The following GRIK5 variants were observed in gnomAD, a reference collection of about 807,000 sequenced individuals.
The protein encoded by GRIK5 is glutamate receptor ionotropic, kainate 5.
Under a neutral mutation model 97.4 loss-of-function variants are expected in GRIK5, and 43 were observed. That is an observed-to-expected ratio of 0.44 (90% CI 0.35 to 0.57). The LOEUF (loss-of-function observed/expected upper bound fraction) is 0.57. GRIK5 is among the 20% of genes least tolerant of loss of function. GRIK5 has a pLI of 0.01. For synonymous variants in GRIK5, 580 were observed against 583.5 expected (o/e 0.99, Z 0.09); for missense variants, 1,015 against 1,382.0 (o/e 0.73, Z 4.21).
In GRIK5 at chr19:42,068,896, G is replaced by A. The variant is rs2076381374; in HGVS notation, c.-51+345C>T. 5.8e-6 allele frequency: 4 copies of A among 686,562 alleles called. No individual in the cohort carries two copies. In the South Asian group the frequency reaches 6.1e-5, roughly 10 times the overall value. 42.5% of individuals were successfully genotyped at this position (686,562 alleles called of 1,614,324 possible). On this transcript the variant is annotated intron_variant, in intron 1 of 19. Transcript: ENST00000593562. The stretch of plus-strand genomic sequence containing the variant: ...AGGATGAGGCTCAGAGGAACAGAAA[G>A]AGCCAGTCTGGGACCAGGACGGAGG...
At chr19:42,066,180 C>G (rs1364379269) in intron 1 of GRIK5, among the ~76,000 whole-genome samples, 1 of 152,018 alleles carries the variant, frequency 6.6e-6, no homozygotes, top group African/African-American at 2.4e-5. Flanking sequence ...GGAAGTGCCA[C>G]CCCCCACCCA....
Position 42,021,587 on chromosome 19 carries a change from G to A in GRIK5, c.1698-113C>T, listed in dbSNP as rs987911639. On this transcript the variant is annotated intron_variant, in intron 14 of 19. Coordinates refer to ENST00000593562, the MANE Select transcript of GRIK5 (RefSeq NM_002088.5). The surrounding 1 kb of genome is among the most constrained non-coding windows in gnomAD (Gnocchi z 4.2). ...GAAGAAAGGGGGAGAGATGGAAAAA[G>A]GAGCAAGATGGACAGAAGCACACAG... The A allele has an allele frequency of 1.4e-5, 11 of 799,182 alleles. No individual in the cohort carries two copies. The African/African-American group carries it at 1.9e-4, about 14-fold the overall frequency. The allele number at this position is 799,182 out of a possible 1,614,324, so 49.5% of individuals were successfully genotyped here.
rs777272622 is a variant in GRIK5, at chr19:42,042,579, C to T, written c.1446G>A (p.Thr482=). The T allele has an allele frequency of 1.5e-5, 24 of 1,611,588 alleles. No homozygotes were observed. The African/African-American group carries it at 1.9e-4, about 13-fold the overall frequency. ...YGAPEPNGSW[T]GMVGELINRK... ...GGTTGATGAGCTCGCCAACCATGCC[C>T]GTCCAGGAGCCGTTGGGCTCGGGCG... Residue 482 remains threonine (T), a synonymous_variant, in exon 12 of 20, where the codon ACG becomes ACA. Transcript: ENST00000593562. The surrounding 1 kb of genome is among the most constrained non-coding windows in gnomAD (Gnocchi z 6.9).
chr19:42,066,545 GAC>G (rs1367986402), intron 1 of GRIK5, among the ~76,000 whole-genome samples: 1 of 151,490 alleles, frequency 6.6e-6, no homozygotes, highest in Non-Finnish European at 1.5e-5. Context: ...AGAAGGGAAA[GAC>G]AGAGAGACTC....
chr19:42,068,570 C>G, intron 1 of GRIK5: 1 of 405,204 alleles, frequency 2.5e-6, no homozygotes, highest in Non-Finnish European at 4.3e-6. Context: ...CCTCCAAGCT[C>G]AGAGGCAGAG....
intron 15 of GRIK5, among the ~76,000 whole-genome samples, chr19:42,007,836 C>T (rs535462188): frequency 1.3e-5 from 2 of 151,740 alleles, no homozygotes; most frequent in African/African-American, 4.8e-5. Context: ...CAGTAGAGAC[C>T]CAAAAGTGTA....
chr19:42,005,464 T>C (rs1240681745), intron 17 of GRIK5, among the ~76,000 whole-genome samples: 2 of 152,264 alleles, frequency 1.3e-5, no homozygotes, highest in African/African-American at 4.8e-5. Context: ...ACCACCCACA[T>C]ATACTGAATT....
chr19:42,041,838 C>A (rs1170670618), intron 12 of GRIK5, among the ~76,000 whole-genome samples: 1 of 152,228 alleles, frequency 6.6e-6, no homozygotes, highest in Non-Finnish European at 1.5e-5. Context: ...TGGGTATCGT[C>A]TCTTCTGGGA....
intron 12 of GRIK5, among the ~76,000 whole-genome samples, chr19:42,032,799 C>G (rs1032962565): frequency 1.3e-5 from 2 of 152,174 alleles, no homozygotes; most frequent in Non-Finnish European, 2.9e-5. Context: ...CTCTCTTCCT[C>G]TTATGCACAT....
intron 11 of GRIK5, among the ~76,000 whole-genome samples, chr19:42,048,481 G>A (rs1339739055): frequency 2.0e-5 from 3 of 152,124 alleles, no homozygotes; most frequent in Admixed American, 6.6e-5. Flanking sequence ...TTAGCCGGGC[G>A]TGGTGGCAGG....
Position 42,053,871 on chromosome 19 carries a change from T to C in GRIK5, c.1115A>G (p.Asn372Ser), listed in dbSNP as rs1202806974. The C allele has an allele frequency of 4.3e-6, 7 of 1,613,836 alleles. No individual in the cohort carries two copies. The East Asian group carries it at 6.7e-5, about 15-fold the overall frequency. The change falls in exon 10 of 20, where the codon AAC becomes AGC. Residue 372 changes from asparagine (N) to serine (S), a missense_variant. Asn to Ser is a conservative substitution (Grantham distance 46). Around this residue, in one of 5 missense-constraint regions of GRIK5, gnomAD observed 477 missense variants for 701.1 expected, o/e 0.68. Coordinates refer to ENST00000593562, the MANE Select transcript of GRIK5 (RefSeq NM_002088.5). The stretch of plus-strand genomic sequence containing the variant: ...CTTTTCTAGGATGCGCAGGGTGTAG[T>C]TGGTTCTCTGCCCTTTGCTGTTGAA... Reference protein sequence around the residue: ...VEFNSKGQRTNYTLRILEKSR... With the variant: ...VEFNSKGQRTSYTLRILEKSR...
chr19:42,068,740 A>G (rs2076377761), intron 1 of GRIK5: 2 of 506,100 alleles, frequency 4.0e-6, no homozygotes, highest in Admixed American at 7.2e-5. Flanking sequence ...GCTAACAGCA[A>G]AGAGAGAAGT....
chr19:42,012,706 C>G (rs1222522916), intron 15 of GRIK5, among the ~76,000 whole-genome samples: 1 of 151,742 alleles, frequency 6.6e-6, no homozygotes, highest in Non-Finnish European at 1.5e-5. Flanking sequence ...GAAACCCTAT[C>G]TCTACAAAAA....
chr19:42,053,119 A>C (rs527477890), intron 11 of GRIK5, among the ~76,000 whole-genome samples: 1 of 152,282 alleles, frequency 6.6e-6, no homozygotes, highest in South Asian at 2.1e-4. Context: ...TTGGGTACTG[A>C]GAGGTCTGGA....
At chr19:42,009,013 G>A (rs1398290528) in intron 15 of GRIK5, among the ~76,000 whole-genome samples, 2 of 152,018 alleles carry the variant, frequency 1.3e-5, no homozygotes, top group Admixed American at 6.6e-5. Flanking sequence ...GATCACTTGA[G>A]GCTGGGACTT....
rs1173676507 is a variant in GRIK5 at position 41,999,329 on chromosome 19, G to A, written c.2515-30C>T. 6 of 1,478,732 alleles carry A rather than the reference G, an allele frequency of 4.1e-6. No individual in the cohort carries two copies. Among genetic ancestry groups the A allele is most frequent in the Admixed American group, 4.5e-5 (2 of 44,044 alleles). The allele number at this position is 1,478,732 out of a possible 1,614,324, so 91.6% of individuals were successfully genotyped here. A position where few individuals can be genotyped will look rare whatever the true frequency, so the allele number is the denominator to read the frequency against. On this transcript the variant is annotated intron_variant, in intron 19 of 19. Coordinates refer to ENST00000593562, the MANE Select transcript of GRIK5 (RefSeq NM_002088.5). The surrounding 1 kb of genome is among the most constrained non-coding windows in gnomAD (Gnocchi z 5.0). ...GGGTGGCGCGGGCGGTCACCGTCCC[G>A]GCGCAGTCCGCCTCCCGCCTCCCCC... is the stretch of plus-strand genomic sequence containing the variant.
intron 3 of GRIK5, among the ~76,000 whole-genome samples, chr19:42,063,923 C>T (rs1453969962): frequency 6.6e-6 from 1 of 152,168 alleles, no homozygotes; most frequent in African/African-American, 2.4e-5. Context: ...CATCATAACT[C>T]AACACCTCAT....
rs1461878894 is a variant in GRIK5 at position 42,059,489 on chromosome 19, T to C, written c.547A>G (p.Ile183Val). 4 of 1,612,920 alleles carry C rather than the reference T, an allele frequency of 2.5e-6. No individual in the cohort carries two copies. Among genetic ancestry groups the C allele is most frequent in the Non-Finnish European group, 3.4e-6 (4 of 1,179,798 alleles). The change falls in exon 6 of 20, where the codon ATC becomes GTC. Residue 183 changes from isoleucine (I) to valine (V), a missense_variant. Physicochemically the swap from Ile to Val is conservative, Grantham distance 29. Transcript: ENST00000593562. ...RLEELVRGFL[I>V]SKETLSVRML... Reference sequence around the variant, plus strand: ...CTCACTGACAGCGTCTCCTTGGAGATGAGGAAGCCACGCACCAGTTCCTCC... The same window carrying C: ...CTCACTGACAGCGTCTCCTTGGAGACGAGGAAGCCACGCACCAGTTCCTCC...
Position 42,061,336 on chromosome 19 carries a change from G to A in GRIK5, c.508+1152C>T, listed in dbSNP as rs371388862. Among the ~76,000 whole-genome samples, 30 of 151,822 alleles carry A rather than the reference G, an allele frequency of 2.0e-4. No homozygotes were observed. The East Asian group carries it at 2.9e-3, about 15-fold the overall frequency. ...TGGGATTACAGGCGTGAGCCATCGC[G>A]CCCGGCCATAAATACCTTTTTTTTA... On this transcript the variant is annotated intron_variant, in intron 5 of 19. Transcript: ENST00000593562.
Sources: allele counts gnomAD v4.1 joint callset (sites outside exome capture counted in the v4.1 genomes callset), GRCh38; gene constraint gnomAD v4.1.1; regional missense constraint gnomAD v4.1.1; non-coding constraint Gnocchi (gnomAD v3.1); transcripts MANE v1.5; gene names NCBI Gene and HGNC (gene_info 2026-07-23, HGNC 2026-07-21).